Variants in ORC2 observed in about 807,000 individuals in gnomAD.
The protein encoded by ORC2 is origin recognition complex protein 2 homolog.
Under a neutral mutation model 77.7 loss-of-function variants are expected in ORC2, and 37 were observed. The observed-to-expected ratio is 0.48, with a 90% CI of 0.37 to 0.63. The LOEUF (loss-of-function observed/expected upper bound fraction) is 0.63, where lower values mean the gene tolerates loss of function less well. Ranked by LOEUF, ORC2 falls within the 20% of genes least tolerant of loss-of-function variation. ORC2 has a pLI of 0.00. For missense variants in ORC2, 557 were observed against 661.9 expected, an observed-to-expected ratio of 0.84 and a Z score of 1.74; for synonymous variants, 201 against 229.5, an observed-to-expected ratio of 0.88 and a Z score of 1.12.
chr2:200,911,282 T>C lies in ORC2; in HGVS notation c.*19A>G, dbSNP rs763988032. On this transcript the variant is annotated 3_prime_UTR_variant, in exon 18 of 18. Coordinates refer to ENST00000234296, the MANE Select transcript of ORC2 (RefSeq NM_006190.5). ...GGGGTACAACCCTTCCATGGGAGAT[T>C]CAAGAATAAAGGAAAGCTTCAAGCC... 2 of 1,505,404 alleles carry C rather than the reference T, an allele frequency of 1.3e-6. No individual in the cohort carries two copies. Among genetic ancestry groups the C allele is most frequent in the East Asian group, 2.3e-5 (1 of 44,320 alleles). 93.3% of individuals were successfully genotyped at this position (1,505,404 alleles called of 1,614,324 possible).
intron 7 of ORC2, among the ~76,000 whole-genome samples, chr2:200,938,744 A>T (rs2124995151): frequency 6.6e-6 from 1 of 152,336 alleles, no homozygotes; most frequent in South Asian, 2.1e-4. Context: ...TGATTTTAAG[A>T]ATAGTACTCT....
At chr2:200,963,387 G>A (rs1231302451) in intron 1 of ORC2, 103 bp downstream of exon 1, 11 of 398,256 alleles carry the variant, frequency 2.8e-5, no homozygotes, top group Non-Finnish European at 4.4e-5. Flanking sequence ...TGGGACGCTA[G>A]GGGCCAAGCT....
Position 200,925,902 on chromosome 2 carries a change from C to T in ORC2, c.1081G>A (p.Asp361Asn), listed in dbSNP as rs753004908. 2.8e-5 allele frequency: 44 copies of T among 1,591,502 alleles called. No individual in the cohort carries two copies. The highest frequency in any genetic ancestry group is 3.4e-5 in the Non-Finnish European group (40 of 1,162,808). ...ATACTGCGGAAAGTACCCATATGAT[C>T]GAGGACTTCTTCTGTTATAGAATTC... Reference protein sequence around the residue: ...VLNSITEEVLDHMGTFRSILD... With the variant: ...VLNSITEEVLNHMGTFRSILD... Residue 361 changes from aspartate (D) to asparagine (N), a missense_variant, in exon 13 of 18, where the codon GAT becomes AAT. By Grantham distance (23) the Asp-to-Asn change is conservative (BLOSUM62 1). Coordinates refer to ENST00000234296, the MANE Select transcript of ORC2 (RefSeq NM_006190.5).
chr2:200,922,078 A>G (rs1260520432), intron 13 of ORC2, among the ~76,000 whole-genome samples: 3 of 145,302 alleles, frequency 2.1e-5, no homozygotes, highest in East Asian at 4.1e-4. Context: ...AGCATTATAT[A>G]TAATGCTCTC....
chr2:200,941,841 G>T (rs889963383), intron 6 of ORC2, among the ~76,000 whole-genome samples: 2 of 152,094 alleles, frequency 1.3e-5, no homozygotes, highest in African/African-American at 4.8e-5. Flanking sequence ...GCAAAAATTA[G>T]CTGGGCATGT....
intron 16 of ORC2, 109 bp downstream of exon 16, chr2:200,913,822 A>G (rs2040592167): frequency 6.9e-7 from 1 of 1,449,938 alleles, no homozygotes; most frequent in East Asian, 2.5e-5. Context: ...ATGAGTGACC[A>G]CTTACTCACT....
In ORC2 at chr2:200,940,588, G is replaced by A. The variant is rs376597920; in HGVS notation, c.453+660C>T. Among the ~76,000 whole-genome samples the A allele has an allele frequency of 2.0e-4, 30 of 151,854 alleles. No homozygotes were observed. The East Asian group carries it at 5.4e-3, about 27-fold the overall frequency. On this transcript the variant is annotated intron_variant, in intron 7 of 17. Transcript: ENST00000234296. Reference sequence around the variant, plus strand: ...AGGCCCAGGTGGATGGATCACTTGAGGTCAGGAGTTCAAGACCGGCCTGGC... The same window carrying A: ...AGGCCCAGGTGGATGGATCACTTGAAGTCAGGAGTTCAAGACCGGCCTGGC...
intron 7 of ORC2, 40 bp from the exon 8 acceptor site, chr2:200,938,006 A>T (rs749313423): frequency 1.4e-6 from 2 of 1,384,200 alleles, no homozygotes; most frequent in African/African-American, 1.4e-5. Flanking sequence ...ATAACATGGA[A>T]ATTAATGACT....
chr2:200,921,913 A>G (rs573232583), intron 13 of ORC2, among the ~76,000 whole-genome samples: 13 of 152,180 alleles, frequency 8.5e-5, no homozygotes, highest in African/African-American at 3.1e-4. Context: ...GTGGGATTAC[A>G]TGTGTGAGCC....
At chr2:200,930,497 C>T (rs1046191802) in intron 11 of ORC2, among the ~76,000 whole-genome samples, 3 of 149,078 alleles carry the variant, frequency 2.0e-5, no homozygotes, top group African/African-American at 7.6e-5. Context: ...CATTCCCTTC[C>T]TAGCATAACT....
At chr2:200,959,704 G>C (rs931707457) in intron 1 of ORC2, among the ~76,000 whole-genome samples, 1 of 152,194 alleles carries the variant, frequency 6.6e-6, no homozygotes, top group Non-Finnish European at 1.5e-5. Flanking sequence ...AGACAGTTTT[G>C]AGTACTCCAT....
intron 5 of ORC2, 35 bp from the exon 6 acceptor site, chr2:200,942,812 G>A (rs2125004713): frequency 7.7e-7 from 1 of 1,298,348 alleles, no homozygotes; most frequent in Admixed American, 1.9e-5. Context: ...ACCTTTTAAA[G>A]GACAACAGTA....
At chr2:200,935,111 A>G (rs2041012823) in intron 9 of ORC2, among the ~76,000 whole-genome samples, 1 of 152,128 alleles carries the variant, frequency 6.6e-6, no homozygotes, top group Non-Finnish European at 1.5e-5. Context: ...CTAATCCCAT[A>G]GCTTATTTAA....
chr2:200,925,163 T>A (rs1267691850), intron 13 of ORC2, among the ~76,000 whole-genome samples: 1 of 152,028 alleles, frequency 6.6e-6, no homozygotes, highest in African/African-American at 2.4e-5. Flanking sequence ...AACCTGAAAA[T>A]TATTCTGAAA....
At position 200,910,482 on chromosome 2, in the gene ORC2, C is replaced by T. The variant is rs187073314; in HGVS notation, c.*819G>A. 334 of 152,182 alleles carry T rather than the reference C, an allele frequency of 2.2e-3. 2 individuals carry two copies. Among genetic ancestry groups the T allele is most frequent in the African/African-American group, 7.7e-3 (321 of 41,528 alleles). The allele number at this position is 152,182 out of a possible 1,614,324, so 9.4% of individuals were successfully genotyped here. A position where few individuals can be genotyped will look rare whatever the true frequency, so the allele number is the denominator to read the frequency against. On this transcript the variant is annotated 3_prime_UTR_variant, in exon 18 of 18. Transcript: ENST00000234296. ...AAGAAAAGAAAAATATGTCAATATA[C>T]AAGAATAATGAAATGTTTTATTTTT...
intron 5 of ORC2, among the ~76,000 whole-genome samples, chr2:200,944,302 T>C (rs761394568): frequency 1.3e-5 from 2 of 152,000 alleles, no homozygotes; most frequent in Non-Finnish European, 2.9e-5. Flanking sequence ...GCCTCCTGAG[T>C]AGCTGGGATT....
At chr2:200,950,113 C>T (rs576484862) in intron 4 of ORC2, among the ~76,000 whole-genome samples, 1 of 152,194 alleles carries the variant, frequency 6.6e-6, no homozygotes, top group African/African-American at 2.4e-5. Flanking sequence ...CAGGTGATCA[C>T]GAGGTCAGGA....
chr2:200,957,614 A>C, intron 3 of ORC2, 70 bp from the exon 4 acceptor site: 1 of 1,119,970 alleles, frequency 8.9e-7, no homozygotes, highest in Non-Finnish European at 1.2e-6. Context: ...TTTAAATAAG[A>C]AATTATAATA....
In ORC2 at chr2:200,909,733, G is replaced by A. The variant is rs1454976674; in HGVS notation, c.*1568C>T. 3 of 147,642 alleles carry A rather than the reference G, an allele frequency of 2.0e-5. No homozygotes were observed. Among genetic ancestry groups the A allele is most frequent in the Middle Eastern group, 3.2e-3 (1 of 310 alleles). The allele number at this position is 147,642 out of a possible 1,614,324, so 9.1% of individuals were successfully genotyped here. Reference sequence around the variant, plus strand: ...AAAAAAAAAAAAAGACTAAGCCCATGGACTTAACATAAAATTACTTTTTAA... The same window carrying A: ...AAAAAAAAAAAAAGACTAAGCCCATAGACTTAACATAAAATTACTTTTTAA... On this transcript the variant is annotated 3_prime_UTR_variant, in exon 18 of 18. Coordinates refer to ENST00000234296, the MANE Select transcript of ORC2 (RefSeq NM_006190.5).
Sources: allele counts gnomAD v4.1 joint callset (sites outside exome capture counted in the v4.1 genomes callset), GRCh38; gene constraint gnomAD v4.1.1; transcripts MANE v1.5; gene names NCBI Gene and HGNC (gene_info 2026-07-23, HGNC 2026-07-21).